The following ADGRL3 variants were observed in gnomAD, a reference collection of about 807,000 sequenced individuals.
The protein encoded by ADGRL3 is calcium-independent alpha-latrotoxin receptor 3.
ADGRL3 carries 62 observed loss-of-function variants against 153.5 expected under a neutral mutation model. The ratio of observed to expected loss-of-function variants is 0.40; its 90% confidence interval spans 0.33 to 0.50. The LOEUF is 0.50. Ranked by LOEUF, ADGRL3 falls within the 20% of genes least tolerant of loss-of-function variation. The pLI, the probability that ADGRL3 is intolerant of heterozygous loss-of-function variation, is 0.47. For missense variants in ADGRL3, 1,641 were observed against 1,859.4 expected, an observed-to-expected ratio of 0.88 and a Z score of 2.16; for synonymous variants, 710 against 672.5, an observed-to-expected ratio of 1.06 and a Z score of -0.86.
intron 21 of ADGRL3, among the ~76,000 whole-genome samples, chr4:62,003,589 G>A (rs983916805): frequency 6.6e-6 from 1 of 152,080 alleles, no homozygotes; most frequent in Non-Finnish European, 1.5e-5. Context: ...AAAGAATACA[G>A]CATATAATTT....
intron 1 of ADGRL3, among the ~76,000 whole-genome samples, chr4:61,220,117 A>T (rs1190961470): frequency 1.4e-5 from 2 of 146,560 alleles, no homozygotes; most frequent in African/African-American, 4.9e-5. Flanking sequence ...TGTCTCAAAA[A>T]AAAAAAAAAA....
chr4:61,860,971 T>C (rs1229775015), intron 9 of ADGRL3, among the ~76,000 whole-genome samples: 1 of 152,318 alleles, frequency 6.6e-6, no homozygotes, highest in Middle Eastern at 3.4e-3. Flanking sequence ...TGCCAAATAT[T>C]ACGGCATTAA....
chr4:61,999,858 C>T lies in ADGRL3; in HGVS notation c.3395+1593C>T, dbSNP rs2099134442. The stretch of plus-strand genomic sequence containing the variant: ...TTAGAAAAATTAAAATATAGTGGTG[C>T]AAAATAGACATTATCTACAATGAGT... On this transcript the variant is annotated intron_variant, in intron 21 of 26. Transcript: ENST00000683033. 6.6e-5 allele frequency among the ~76,000 whole-genome samples: 10 copies of T among 152,066 alleles called. No individual in the cohort carries two copies. In the South Asian group the frequency reaches 2.1e-3, roughly 32 times the overall value.
intron 5 of ADGRL3, among the ~76,000 whole-genome samples, chr4:61,629,200 A>T (rs2093007206): frequency 6.6e-6 from 1 of 152,202 alleles, no homozygotes; most frequent in Admixed American, 6.5e-5. Flanking sequence ...CTGAAAGAAC[A>T]ACCTGGAACA....
At chr4:61,775,356 A>G (rs763831919) in intron 8 of ADGRL3, 106 of 363,522 alleles carry the variant, frequency 2.9e-4, no homozygotes, top group Non-Finnish European at 4.3e-4. Flanking sequence ...TCAAGTTCCC[A>G]GTTTTACAGT....
intron 8 of ADGRL3, among the ~76,000 whole-genome samples, chr4:61,765,178 C>T (rs2096961441): frequency 2.0e-5 from 3 of 151,932 alleles, no homozygotes; most frequent in South Asian, 2.1e-4. Context: ...CAGTGTAAAC[C>T]AGCAGTGTAA....
chr4:61,810,771 A>G (rs1483220889), intron 8 of ADGRL3, among the ~76,000 whole-genome samples: 3 of 152,046 alleles, frequency 2.0e-5, no homozygotes, highest in Non-Finnish European at 2.9e-5. Context: ...TTTCAGAACA[A>G]AAGGTTTTTT....
chr4:61,845,234 T>C (rs541113944), intron 9 of ADGRL3, among the ~76,000 whole-genome samples: 1 of 152,280 alleles, frequency 6.6e-6, no homozygotes, highest in South Asian at 2.1e-4. Flanking sequence ...ATCTCTTATA[T>C]TGTCCAAAAT....
chr4:61,430,390 G>A (rs1450063686), intron 2 of ADGRL3, among the ~76,000 whole-genome samples: 2 of 152,080 alleles, frequency 1.3e-5, no homozygotes, highest in Non-Finnish European at 2.9e-5. Flanking sequence ...GTCCTAAAAG[G>A]ATTGGTATAG....
chr4:61,652,326 T>C (rs1440023261), intron 5 of ADGRL3, among the ~76,000 whole-genome samples: 1 of 152,210 alleles, frequency 6.6e-6, no homozygotes, highest in African/African-American at 2.4e-5. Context: ...CTTATATTTT[T>C]TACCCAGTCT....
chr4:61,621,732 A>G (rs1033149918), intron 5 of ADGRL3, among the ~76,000 whole-genome samples: 5 of 152,126 alleles, frequency 3.3e-5, no homozygotes, highest in African/African-American at 1.2e-4. Context: ...TCGTCAAGAT[A>G]GCAGCGCTAA....
At chr4:61,552,152 G>A (rs777775456) in intron 4 of ADGRL3, among the ~76,000 whole-genome samples, 1 of 111,768 alleles carries the variant, frequency 8.9e-6, no homozygotes, top group African/African-American at 3.5e-5. Context: ...AGAAGCAACT[G>A]CTTAATGACA....
chr4:61,615,651 A>C (rs998938210), intron 5 of ADGRL3, among the ~76,000 whole-genome samples: 6 of 151,742 alleles, frequency 4.0e-5, no homozygotes, highest in Non-Finnish European at 8.8e-5. Context: ...TCTGATGGAG[A>C]AAAAGAAAGG....
intron 6 of ADGRL3, among the ~76,000 whole-genome samples, chr4:61,681,750 G>T (rs2095341065): frequency 6.6e-6 from 1 of 151,846 alleles, no homozygotes; most frequent in African/African-American, 2.4e-5. Flanking sequence ...ATACATTTTT[G>T]CAACTAATGT....
At chr4:61,381,067 G>A (rs1167950135) in intron 1 of ADGRL3, among the ~76,000 whole-genome samples, 2 of 151,864 alleles carry the variant, frequency 1.3e-5, no homozygotes, top group Non-Finnish European at 2.9e-5. Context: ...CTTGGTTGGA[G>A]CTGTCTGCTG....
chr4:61,453,894 C>T (rs1291552161), intron 2 of ADGRL3, among the ~76,000 whole-genome samples: 1 of 151,944 alleles, frequency 6.6e-6, no homozygotes, highest in Non-Finnish European at 1.5e-5. Flanking sequence ...ACAATATTAT[C>T]TGAGAGTTGC....
At chr4:61,499,974 TCACACACACACAGACACA>T (rs1187630476) in intron 3 of ADGRL3, among the ~76,000 whole-genome samples, 1 of 109,186 alleles carries the variant, frequency 9.2e-6, no homozygotes, top group Non-Finnish European at 1.9e-5. Context: ...TGCATTGAAA[TCACACACACACAGACACA>T]CACACACACA....
chr4:62,054,252 G>T (rs572827878), intron 25 of ADGRL3, among the ~76,000 whole-genome samples: 2 of 151,692 alleles, frequency 1.3e-5, no homozygotes, highest in South Asian at 2.1e-4. Flanking sequence ...CAAGTTAAAA[G>T]AACACAGAAA....
At chr4:61,806,712 A>C (rs2097556673) in intron 8 of ADGRL3, among the ~76,000 whole-genome samples, 1 of 152,118 alleles carries the variant, frequency 6.6e-6, no homozygotes, top group African/African-American at 2.4e-5. Context: ...TGTAAGTAAA[A>C]ATACAGATTC....
Sources: allele counts gnomAD v4.1 joint callset (sites outside exome capture counted in the v4.1 genomes callset), GRCh38; gene constraint gnomAD v4.1.1; transcripts MANE v1.5; gene names NCBI Gene and HGNC (gene_info 2026-07-23, HGNC 2026-07-21).